Variants in LMBR1L observed in about 807,000 individuals in gnomAD.
LMBR1L encodes the protein limb development membrane protein 1 like, also known as protein LMBR1L.
Under a neutral mutation model 67.3 loss-of-function variants are expected in LMBR1L, and 47 were observed. The observed-to-expected ratio is 0.70, with a 90% CI of 0.55 to 0.89. LMBR1L has a LOEUF of 0.89. LMBR1L is among the 40% of genes least tolerant of loss of function. The pLI is 0.00. For synonymous variants in LMBR1L, 247 were observed against 250.3 expected, an observed-to-expected ratio of 0.99 and a Z score of 0.13; for missense variants, 533 against 599.2, an observed-to-expected ratio of 0.89 and a Z score of 1.15.
At chr12:49,100,863 G>A in intron 13 of LMBR1L, 1 of 580,006 alleles carries the variant, frequency 1.7e-6, no homozygotes, top group Non-Finnish European at 3.0e-6. Context: ...ACGTAGCTGG[G>A]AATGCAAGCA....
chr12:49,108,168 C>T lies in LMBR1L; in HGVS notation c.73-1123G>A, dbSNP rs866559273. ...ATCCCAGCTACTCAAGAGGCTGAGG[C>T]AGGAGAATCACTTGAATTCAGGAGG... On this transcript the variant is annotated intron_variant, in intron 1 of 16. Coordinates refer to ENST00000267102, the MANE Select transcript of LMBR1L (RefSeq NM_018113.4). Among the ~76,000 whole-genome samples the T allele has an allele frequency of 1.3e-3, 201 of 152,200 alleles. 1 individual carries two copies. Among genetic ancestry groups the T allele is most frequent in the African/African-American group, 4.6e-3 (191 of 41,508 alleles).
At chr12:49,108,658 T>C (rs1301800012) in intron 1 of LMBR1L, among the ~76,000 whole-genome samples, 2 of 148,164 alleles carry the variant, frequency 1.3e-5, no homozygotes, top group Non-Finnish European at 3.0e-5. Context: ...CACTAGAACC[T>C]GGGAGGCGGA....
In LMBR1L at chr12:49,104,547, G is replaced by A; in HGVS notation, c.336C>T (p.Leu112=). Residue 112 remains leucine, a synonymous_variant, in exon 5 of 17, where the codon CTC becomes CTT. Coordinates refer to ENST00000267102, the MANE Select transcript of LMBR1L (RefSeq NM_018113.4). The part of the protein sequence containing the change: ...QWLNGSLIHG[L]WNLVFLFSNL... Reference sequence around the variant, plus strand: ...TGGAGAAGAGAAAAACAAGGTTCCAGAGGCCTAGAGCAAAAAAGGAAGAGC... The same window carrying A: ...TGGAGAAGAGAAAAACAAGGTTCCAAAGGCCTAGAGCAAAAAAGGAAGAGC... 1 of 1,612,890 alleles carries A rather than the reference G, an allele frequency of 6.2e-7. No homozygotes were observed.
Position 49,100,497 on chromosome 12 carries a change from GCA to G in LMBR1L, c.1174-45_1174-44del, listed in dbSNP as rs1482415946. 8.1e-6 allele frequency: 13 copies of G among 1,603,982 alleles called. No homozygotes were observed. The African/African-American group carries it at 1.7e-4, about 21-fold the overall frequency. On this transcript the variant is annotated intron_variant, in intron 14 of 16. Coordinates refer to ENST00000267102, the MANE Select transcript of LMBR1L (RefSeq NM_018113.4). ...AAGGAGAGGTGAGGGTGGAAGAGCT[GCA>G]GGCACCTAGTGCCCATCCACACCCC...
chr12:49,106,096 CACACATTATGAA>C (rs1402660438), intron 2 of LMBR1L, 139 bp from the exon 3 acceptor site: 1 of 671,894 alleles, frequency 1.5e-6, no homozygotes, highest in Non-Finnish European at 2.6e-6. Flanking sequence ...TCCAGGAGAC[CACACATTATGAA>C]CTCCATAGCC....
intron 15 of LMBR1L, among the ~76,000 whole-genome samples, chr12:49,099,321 A>T (rs992167782): frequency 6.9e-6 from 1 of 144,652 alleles, no homozygotes; most frequent in African/African-American, 2.6e-5. Context: ...GCTAATTTTT[A>T]TATTTTTCAT....
chr12:49,104,729 T>C lies in LMBR1L; in HGVS notation c.331+17A>G. The C allele has an allele frequency of 1.2e-6, 2 of 1,613,098 alleles. No individual in the cohort carries two copies. Among genetic ancestry groups the C allele is most frequent in the Non-Finnish European group, 1.7e-6 (2 of 1,179,572 alleles). On this transcript the variant is annotated intron_variant, in intron 4 of 16. Coordinates refer to ENST00000267102, the MANE Select transcript of LMBR1L (RefSeq NM_018113.4). Reference sequence around the variant, plus strand: ...GCTCCCTATCCCTACCCCAAGCAGCTTCCAGGAGCCACACACCATGGATGA... The same window carrying C: ...GCTCCCTATCCCTACCCCAAGCAGCCTCCAGGAGCCACACACCATGGATGA...
At chr12:49,104,208 A>G in intron 5 of LMBR1L, 2 of 540,332 alleles carry the variant, frequency 3.7e-6, no homozygotes, top group Non-Finnish European at 3.3e-6. Flanking sequence ...TTATGACACT[A>G]AGACAACAGC....
rs35348557 is a variant in LMBR1L, at chr12:49,109,174, C to T, written c.72+1310G>A. Reference sequence around the variant, plus strand: ...AAGTCTTCAGGCTACCCTTAGCCAGCACTGATGTTCTCAGCTCATGGGACT... The same window carrying T: ...AAGTCTTCAGGCTACCCTTAGCCAGTACTGATGTTCTCAGCTCATGGGACT... On this transcript the variant is annotated intron_variant, in intron 1 of 16. Transcript: ENST00000267102. 6.6e-3 allele frequency among the ~76,000 whole-genome samples: 1,012 copies of T among 152,260 alleles called. 5 individuals carry two copies. The highest frequency in any genetic ancestry group is 0.023 in the African/African-American group (952 of 41,544).
chr12:49,106,036 T>C, intron 2 of LMBR1L, 79 bp from the exon 3 acceptor site: 1 of 1,231,926 alleles, frequency 8.1e-7, no homozygotes, highest in Non-Finnish European at 1.2e-6. Flanking sequence ...TACAATGTGC[T>C]CCCTGCCCCA....
intron 2 of LMBR1L, 168 bp downstream of exon 2, chr12:49,106,793 C>T (rs769319291): frequency 1.2e-6 from 1 of 829,134 alleles, no homozygotes; most frequent in South Asian, 1.4e-5. Context: ...ACACATCCAT[C>T]TAGCCGCCCT....
intron 2 of LMBR1L, 45 bp from the exon 3 acceptor site, chr12:49,106,002 G>A (rs768694359): frequency 6.4e-7 from 1 of 1,574,506 alleles, no homozygotes; most frequent in Non-Finnish European, 8.7e-7. Flanking sequence ...GGACATCAGG[G>A]GGCAGCTCTG....
At position 49,104,761 on chromosome 12, in the gene LMBR1L, C is replaced by T. The variant is rs747160614; in HGVS notation, c.316G>A (p.Gly106Ser). The stretch of plus-strand genomic sequence containing the variant: ...AGCCACACACCATGGATGAGGGAGC[C>T]GTTGAGCCACTGGATGTAGTAGTTC... ...PRNYYIQWLN[G>S]SLIHGLWNLV... The change falls in exon 4 of 17, where the codon GGC becomes AGC. Residue 106 changes from glycine (G) to serine (S), a missense_variant. By Grantham distance (56) the Gly-to-Ser change is moderately conservative (BLOSUM62 0). Around this residue, in one of 3 missense-constraint regions of LMBR1L, gnomAD observed 246 missense variants for 249.0 expected, o/e 0.99. Coordinates refer to ENST00000267102, the MANE Select transcript of LMBR1L (RefSeq NM_018113.4). 19 of 1,613,468 alleles carry T rather than the reference C, an allele frequency of 1.2e-5. No homozygotes were observed. The highest frequency in any genetic ancestry group is 7.7e-5 in the South Asian group (7 of 90,930).
rs1377749612 is a variant in LMBR1L, at chr12:49,110,711, G to T, written c.-156C>A. 3.1e-6 allele frequency: 2 copies of T among 648,048 alleles called. No individual in the cohort carries two copies. The highest frequency in any genetic ancestry group is 5.5e-6 in the Non-Finnish European group (2 of 363,060). The allele number at this position is 648,048 out of a possible 1,614,324, so 40.1% of individuals were successfully genotyped here. A position where few individuals can be genotyped will look rare whatever the true frequency, so the allele number is the denominator to read the frequency against. On this transcript the variant is annotated 5_prime_UTR_variant, in exon 1 of 17. Coordinates refer to ENST00000267102, the MANE Select transcript of LMBR1L (RefSeq NM_018113.4). ...GGCAGTCTGGGGCTCAGATACAGTCGTCCGGACGCCCCGCCCTTAAAGGGG... is the reference window on the plus strand; with the variant it reads ...GGCAGTCTGGGGCTCAGATACAGTCTTCCGGACGCCCCGCCCTTAAAGGGG...
At chr12:49,098,212 T>C (rs1939656286) in intron 15 of LMBR1L, 107 bp from the exon 16 acceptor site, 3 of 1,195,084 alleles carry the variant, frequency 2.5e-6, no homozygotes, top group Non-Finnish European at 2.4e-6. Flanking sequence ...CTGCAACTGA[T>C]AGGTTGGCCT....
In LMBR1L at chr12:49,110,617, A is replaced by G. The variant is rs1195507608; in HGVS notation, c.-62T>C. On this transcript the variant is annotated 5_prime_UTR_variant, in exon 1 of 17. Transcript: ENST00000267102. ...GGCCCGGGGAGGACGAGCGGGGAGG[A>G]AGCCGCCGCCGCCAAGCACCCAGAC... The G allele has an allele frequency of 1.3e-6, 2 of 1,497,028 alleles. No individual in the cohort carries two copies. Among genetic ancestry groups the G allele is most frequent in the Non-Finnish European group, 1.9e-6 (2 of 1,075,388 alleles). 92.7% of individuals were successfully genotyped at this position (1,497,028 alleles called of 1,614,324 possible).
At chr12:49,108,577 A>G (rs1322216882) in intron 1 of LMBR1L, among the ~76,000 whole-genome samples, 1 of 150,514 alleles carries the variant, frequency 6.6e-6, no homozygotes, top group South Asian at 2.1e-4. Context: ...AAAAAAAAAA[A>G]AAAAAAAAAG....
chr12:49,103,145 A>G lies in LMBR1L; in HGVS notation c.577T>C (p.Tyr193His). The G allele has an allele frequency of 1.2e-6, 2 of 1,613,768 alleles. No individual in the cohort carries two copies. The highest frequency in any genetic ancestry group is 2.2e-5 in the South Asian group (2 of 91,078). Residue 193 changes from tyrosine (Y) to histidine (H), a missense_variant, in exon 7 of 17, where the codon TAT (tyrosine) becomes CAT (histidine). Tyr to His is a moderately conservative substitution (Grantham distance 83). Transcript: ENST00000267102. Reference protein sequence around the residue: ...RESLYDFWEYYLPYLYSCISF... With the variant: ...RESLYDFWEYHLPYLYSCISF... ...ATGCATGAGTAGAGGTAGGGGAGAT[A>G]GTACTCCCAAAAGTCTAAGGATAAA...
At chr12:49,106,371 T>A (rs113338512) in intron 2 of LMBR1L, 5,330 of 372,484 alleles carry the variant, frequency 0.014, 219 homozygotes, top group African/African-American at 0.093. Flanking sequence ...GAATTACTCT[T>A]GGGTAGCTGC....
Sources: gnomAD v4.1 joint callset for allele counts (sites outside exome capture counted in the v4.1 genomes callset) on GRCh38, gnomAD v4.1.1 for gene constraint, gnomAD v4.1.1 regional missense constraint, MANE v1.5 for transcripts, NCBI Gene and HGNC (gene_info 2026-07-23, HGNC 2026-07-21) for gene names.